Variants in INPP5B observed in about 807,000 individuals in gnomAD.
The protein encoded by INPP5B is type II inositol 1,4,5-trisphosphate 5-phosphatase.
Under a neutral mutation model 118.5 loss-of-function variants are expected in INPP5B, and 90 were observed. That is an observed-to-expected ratio of 0.76 (90% confidence interval 0.64 to 0.90). The LOEUF is 0.90. Among genes scored for constraint, INPP5B ranks in the 40% least tolerant of loss-of-function variants. The pLI, the probability that INPP5B is intolerant of heterozygous loss-of-function variation, is 0.00. For synonymous variants in INPP5B, 385 were observed against 418.9 expected (o/e 0.92, Z 0.99); for missense variants, 984 against 1,125.6 (o/e 0.87, Z 1.80).
At chr1:37,904,340 T>G (rs929283551) in intron 7 of INPP5B, among the ~76,000 whole-genome samples, 1 of 151,678 alleles carries the variant, frequency 6.6e-6, no homozygotes, top group African/African-American at 2.4e-5. Context: ...AAATAATAAA[T>G]AAATAAATAA....
In INPP5B at chr1:37,940,740, G is replaced by A; in HGVS notation, c.339C>T (p.Pro113=). ...TAELSLVFQL[P]FGSQTRMFLH... is the part of the protein sequence containing the mutation. ...GGAACATCCTGGTTTGTGAACCAAAGGGCAGTTGGAATACGAGGCTAAGCT... is the reference window on the plus strand; with the variant it reads ...GGAACATCCTGGTTTGTGAACCAAAAGGCAGTTGGAATACGAGGCTAAGCT... Residue 113 remains proline (P), a synonymous_variant, in exon 6 of 24, where the codon CCC becomes CCT. Transcript: ENST00000373024. 6.2e-7 allele frequency: 1 copy of A among 1,614,046 alleles called. No homozygotes were observed. The highest frequency in any genetic ancestry group is 1.1e-5 in the South Asian group (1 of 91,086).
intron 3 of INPP5B, among the ~76,000 whole-genome samples, chr1:37,945,506 A>G (rs1444002020): frequency 2.0e-5 from 3 of 152,254 alleles, no homozygotes; most frequent in Non-Finnish European, 4.4e-5. Flanking sequence ...TTGGACCACG[A>G]GGCTCAAGAT....
At chr1:37,893,085 CTTTTTTTTTTTTTT>C (rs71053999) in intron 7 of INPP5B, among the ~76,000 whole-genome samples, 2 of 81,436 alleles carry the variant, frequency 2.5e-5, no homozygotes, top group Non-Finnish European at 4.3e-5. Context: ...TTTTCTTTTT[CTTTTTTTTTTTTTT>C]TTTTTTTTTT....
chr1:37,894,643 C>T (rs1643956345), intron 7 of INPP5B, among the ~76,000 whole-genome samples: 1 of 150,680 alleles, frequency 6.6e-6, no homozygotes, highest in Admixed American at 6.6e-5. Context: ...CTCTTTGCAA[C>T]CTCTGCCTCC....
intron 20 of INPP5B, among the ~76,000 whole-genome samples, chr1:37,867,044 C>A (rs1381620649): frequency 6.6e-6 from 1 of 152,048 alleles, no homozygotes; most frequent in African/African-American, 2.4e-5. Context: ...CCATCCTGGC[C>A]AACACGGTGA....
rs200167089 is a variant in INPP5B at position 37,887,321 on chromosome 1, A to G, written c.1014+30T>C. ...TGGAATTTCCCTGCATGGCAACATAAAATTAAGAGGTCCCTGACTCCTCTC... is the reference window on the plus strand; with the variant it reads ...TGGAATTTCCCTGCATGGCAACATAGAATTAAGAGGTCCCTGACTCCTCTC... On this transcript the variant is annotated intron_variant, in intron 11 of 23. Coordinates refer to ENST00000373024, the MANE Select transcript of INPP5B (RefSeq NM_005540.3). 8.9e-4 allele frequency: 1,153 copies of G among 1,291,296 alleles called. 1 individual carries two copies. The highest frequency in any genetic ancestry group is 1.2e-3 in the Non-Finnish European group (1,082 of 902,720). The allele number at this position is 1,291,296 out of a possible 1,614,324, so 80.0% of individuals were successfully genotyped here.
intron 7 of INPP5B, among the ~76,000 whole-genome samples, chr1:37,910,269 TC>T (rs1218045710): frequency 2.6e-5 from 4 of 152,182 alleles, no homozygotes; most frequent in African/African-American, 9.7e-5. Flanking sequence ...AGGGCGTGTT[TC>T]CCTTGCCTCC....
At chr1:37,892,997 A>T (rs990516807) in intron 7 of INPP5B, among the ~76,000 whole-genome samples, 2 of 151,706 alleles carry the variant, frequency 1.3e-5, no homozygotes, top group Non-Finnish European at 2.9e-5. Flanking sequence ...TGGACTTCTC[A>T]GCCTCCAAAA....
chr1:37,946,218 AGGCTCAGG>A (rs760027982), intron 2 of INPP5B, 26 bp downstream of exon 2: 43 of 1,594,214 alleles, frequency 2.7e-5, no homozygotes, highest in Non-Finnish European at 3.5e-5. Flanking sequence ...AGGCCAGGGC[AGGCTCAGG>A]GCCGCAGTTA....
chr1:37,930,663 G>T (rs894495338), intron 7 of INPP5B: 1 of 152,258 alleles, frequency 6.6e-6, no homozygotes, highest in African/African-American at 2.4e-5. Flanking sequence ...CGCTTCGATC[G>T]CACCTTGTGA....
At chr1:37,896,896 G>A (rs1644120317) in intron 7 of INPP5B, among the ~76,000 whole-genome samples, 1 of 132,702 alleles carries the variant, frequency 7.5e-6, no homozygotes, top group Non-Finnish European at 1.6e-5. Flanking sequence ...CCCCATCCGG[G>A]AAGTGAGGGG....
chr1:37,877,806 A>G (rs1361817016), intron 16 of INPP5B, among the ~76,000 whole-genome samples: 1 of 152,204 alleles, frequency 6.6e-6, no homozygotes, highest in African/African-American at 2.4e-5. Context: ...ACTGTCCTGG[A>G]AAGATCTCCT....
intron 7 of INPP5B, among the ~76,000 whole-genome samples, chr1:37,905,121 C>G (rs1190094024): frequency 6.6e-6 from 1 of 152,098 alleles, no homozygotes; most frequent in Non-Finnish European, 1.5e-5. Context: ...GTTATTGAGG[C>G]CAGGCGTGGT....
intron 7 of INPP5B, among the ~76,000 whole-genome samples, chr1:37,911,438 CCTTCTTTCCTGT>C (rs1644695649): frequency 6.6e-6 from 1 of 152,164 alleles, no homozygotes. Context: ...CCCCATATTT[CCTTCTTTCCTGT>C]TCCTCACCCT....
intron 7 of INPP5B, among the ~76,000 whole-genome samples, chr1:37,910,655 C>T (rs985313110): frequency 9.2e-5 from 14 of 152,108 alleles, no homozygotes; most frequent in African/African-American, 1.9e-4. Context: ...TCCCACAGCA[C>T]GCTTTAAAAG....
Position 37,888,335 on chromosome 1 carries a change from C to T in INPP5B, c.807G>A (p.Ala269=), listed in dbSNP as rs543694278. The change falls in exon 10 of 24, where the codon GCG becomes GCA. Residue 269 remains alanine (A), a synonymous_variant. Transcript: ENST00000373024. ...ACTGCCCATTTACATTGTATGTTCC[C>T]GCAAAAAACCTGTCACCAAAGAGAA... The part of the protein sequence containing the change: ...YTYIQNFRFF[A]GTYNVNGQSP... 47 of 1,530,868 alleles carry T rather than the reference C, an allele frequency of 3.1e-5. No individual in the cohort carries two copies. The South Asian group carries it at 5.0e-4, about 16-fold the overall frequency. The allele number at this position is 1,530,868 out of a possible 1,614,324, so 94.8% of individuals were successfully genotyped here. A position where few individuals can be genotyped will look rare whatever the true frequency, so the allele number is the denominator to read the frequency against.
intron 3 of INPP5B, among the ~76,000 whole-genome samples, chr1:37,944,839 G>GA (rs1394314568): frequency 6.6e-6 from 1 of 151,456 alleles, no homozygotes; most frequent in Non-Finnish European, 1.5e-5. Flanking sequence ...AGCTGGTCTC[G>GA]AACTCCTAGG....
chr1:37,933,947 A>C (rs1645592706), intron 6 of INPP5B, among the ~76,000 whole-genome samples: 1 of 133,828 alleles, frequency 7.5e-6, no homozygotes, highest in African/African-American at 2.8e-5. Context: ...TTATTTATTT[A>C]TTTTGGGACA....
intron 2 of INPP5B, among the ~76,000 whole-genome samples, 162 bp downstream of exon 2, chr1:37,946,090 T>A (rs927432815): frequency 6.6e-6 from 1 of 152,214 alleles, no homozygotes; most frequent in African/African-American, 2.4e-5. Context: ...TTTAAAGCAT[T>A]TGGCTGAGAG....
Sources: gnomAD v4.1 joint callset for allele counts (sites outside exome capture counted in the v4.1 genomes callset) on GRCh38, gnomAD v4.1.1 for gene constraint, MANE v1.5 for transcripts, NCBI Gene and HGNC (gene_info 2026-07-23, HGNC 2026-07-21) for gene names.